The following PPM1H variants were observed in gnomAD, a reference collection of about 807,000 sequenced individuals.
PPM1H encodes the protein protein phosphatase, Mg2+/Mn2+ dependent 1H.
A neutral mutation model predicts 54.9 loss-of-function variants in PPM1H; 27 were observed. The observed-to-expected ratio is 0.49, with a 90% CI of 0.36 to 0.68. The LOEUF is 0.68. Among genes scored for constraint, PPM1H ranks in the 30% least tolerant of loss-of-function variants. The probability of loss-of-function intolerance (pLI) is 0.00; values close to 1 mark genes in which losing one functional copy is unlikely to be tolerated. For missense variants in PPM1H, 596 were observed against 667.8 expected (o/e 0.89, Z 1.19); for synonymous variants, 305 against 270.8 (o/e 1.13, Z -1.24).
chr12:62,755,859 C>A, intron 4 of PPM1H: 1 of 784,788 alleles, frequency 1.3e-6, no homozygotes, highest in Non-Finnish European at 2.3e-6. Flanking sequence ...CCTGCCTCTA[C>A]TGGTGCTGCT....
rs765426741 is a variant in PPM1H at position 62,801,949 on chromosome 12, C to A, written c.623G>T (p.Arg208Leu). 2 of 1,612,488 alleles carry A rather than the reference C, an allele frequency of 1.2e-6. No homozygotes were observed. The highest frequency in any genetic ancestry group is 1.7e-6 in the Non-Finnish European group (2 of 1,179,098). Residue 208 changes from arginine to leucine, a missense_variant, in exon 3 of 10, where the codon CGG (arginine) becomes CTG (leucine). By Grantham distance (102) the Arg-to-Leu change is moderately radical. Coordinates refer to ENST00000228705, the MANE Select transcript of PPM1H (RefSeq NM_020700.2). Reference sequence around the variant, plus strand: ...CACCCCTCCGCGCAGGGAGGCTGCCCGGGTCAGAGTCCGGCTGTTGGCGGG... The same window carrying A: ...CACCCCTCCGCGCAGGGAGGCTGCCAGGGTCAGAGTCCGGCTGTTGGCGGG... The part of the protein sequence containing the change: ...NTPANSRTLT[R>L]AASLRGGVGA...
At chr12:62,700,562 C>G (rs774356391) in intron 6 of PPM1H, among the ~76,000 whole-genome samples, 1 of 152,148 alleles carries the variant, frequency 6.6e-6, no homozygotes, top group Non-Finnish European at 1.5e-5. Context: ...TCAAACAAAT[C>G]CAGAATCCTC....
intron 5 of PPM1H, among the ~76,000 whole-genome samples, chr12:62,722,517 G>T (rs976498734): frequency 1.3e-5 from 2 of 152,068 alleles, no homozygotes; most frequent in African/African-American, 4.8e-5. Context: ...CATATTTTGG[G>T]CCTTTAACCT....
chr12:62,803,912 A>G (rs1394427354), intron 2 of PPM1H, among the ~76,000 whole-genome samples: 1 of 152,236 alleles, frequency 6.6e-6, no homozygotes, highest in East Asian at 1.9e-4. Context: ...TTGAAGAGAC[A>G]TTTCATCAAA....
rs545018269 is a variant in PPM1H, at chr12:62,874,332, AC to A, written c.246-42054del. Reference sequence around the variant, plus strand: ...GGATAAGAGTGACTTTCAAAGGAGAACAAAGCTTGGTTGTTAAATCCAAAGG... The same window carrying A: ...GGATAAGAGTGACTTTCAAAGGAGAAAAAGCTTGGTTGTTAAATCCAAAGG... On this transcript the variant is annotated intron_variant, in intron 1 of 9. Coordinates refer to ENST00000228705, the MANE Select transcript of PPM1H (RefSeq NM_020700.2). Among the ~76,000 whole-genome samples the A allele has an allele frequency of 6.6e-5, 10 of 152,330 alleles. No individual in the cohort carries two copies. The East Asian group carries it at 1.7e-3, about 26-fold the overall frequency.
At chr12:62,912,392 G>C (rs774184935) in intron 1 of PPM1H, among the ~76,000 whole-genome samples, 1 of 152,160 alleles carries the variant, frequency 6.6e-6, no homozygotes, top group African/African-American at 2.4e-5. Context: ...TTTCAGGTTG[G>C]CTCCGTGTCT....
chr12:62,720,325 A>G, intron 5 of PPM1H, 36 bp from the exon 6 acceptor site: 1 of 1,452,118 alleles, frequency 6.9e-7, no homozygotes, highest in Non-Finnish European at 9.6e-7. Flanking sequence ...ACACACACAT[A>G]CACGTATTTA....
intron 4 of PPM1H, among the ~76,000 whole-genome samples, chr12:62,786,866 C>A (rs1029260115): frequency 7.2e-5 from 11 of 152,202 alleles, no homozygotes; most frequent in Admixed American, 5.2e-4. Flanking sequence ...ACACACTTCT[C>A]CACCTCTTTC....
At chr12:62,701,608 G>T (rs2076144222) in intron 6 of PPM1H, among the ~76,000 whole-genome samples, 1 of 151,978 alleles carries the variant, frequency 6.6e-6, no homozygotes, top group South Asian at 2.1e-4. Context: ...GGCCCTCCAT[G>T]ATCTGGCCTT....
chr12:62,927,662 C>CA (rs57622502), intron 1 of PPM1H, among the ~76,000 whole-genome samples: 232 of 75,648 alleles, frequency 3.1e-3, no homozygotes, highest in Middle Eastern at 9.6e-3. Context: ...AACTCCGTCT[C>CA]AAAAAAAAAA....
chr12:62,749,290 C>T lies in PPM1H; in HGVS notation c.870-11704G>A, dbSNP rs554616755. 5.3e-5 allele frequency among the ~76,000 whole-genome samples: 8 copies of T among 152,302 alleles called. No homozygotes were observed. The East Asian group carries it at 5.8e-4, about 11-fold the overall frequency. The stretch of plus-strand genomic sequence containing the variant: ...TCTTTCAGCTGAAAGTGATTCGAAA[C>T]GCAACATTAAACTGCACATTTCCAG... On this transcript the variant is annotated intron_variant, in intron 4 of 9. Transcript: ENST00000228705.
At chr12:62,850,122 T>G (rs552377435) in intron 1 of PPM1H, among the ~76,000 whole-genome samples, 1 of 152,006 alleles carries the variant, frequency 6.6e-6, no homozygotes, top group Admixed American at 6.6e-5. Context: ...CCACCATGCC[T>G]GGCTAATTTT....
chr12:62,657,945 T>C (rs889009437), intron 9 of PPM1H, among the ~76,000 whole-genome samples: 1 of 151,692 alleles, frequency 6.6e-6, no homozygotes, highest in South Asian at 2.1e-4. Context: ...AGACATACTC[T>C]GTAGGGTTTA....
chr12:62,929,537 T>C (rs1364196839), intron 1 of PPM1H, among the ~76,000 whole-genome samples: 1 of 152,190 alleles, frequency 6.6e-6, no homozygotes, highest in Non-Finnish European at 1.5e-5. Flanking sequence ...GTAACCTTAA[T>C]TGAAAGCACT....
Position 62,763,903 on chromosome 12 carries a change from G to C in PPM1H, c.869+24323C>G, listed in dbSNP as rs139251888. Among the ~76,000 whole-genome samples, 8 of 152,232 alleles carry C rather than the reference G, an allele frequency of 5.3e-5. No homozygotes were observed. The East Asian group carries it at 1.4e-3, about 26-fold the overall frequency. ...CACTCCTGGTTGCTTTTGAACATGT[G>C]GGGTGAGCTTTGAGAGAGCCGACGT... On this transcript the variant is annotated intron_variant, in intron 4 of 9. Transcript: ENST00000228705.
chr12:62,727,253 T>C (rs886895177), intron 5 of PPM1H, among the ~76,000 whole-genome samples: 1 of 152,126 alleles, frequency 6.6e-6, no homozygotes, highest in Non-Finnish European at 1.5e-5. Context: ...GTGCCCAGCA[T>C]AGCACCCAAC....
chr12:62,686,402 A>G (rs540243321), intron 8 of PPM1H, among the ~76,000 whole-genome samples: 19 of 152,320 alleles, frequency 1.2e-4, no homozygotes, highest in African/African-American at 4.3e-4. Context: ...TGCTTTTTGG[A>G]AAGTAGAAAG....
At chr12:62,916,374 C>T (rs1871622863) in intron 1 of PPM1H, among the ~76,000 whole-genome samples, 1 of 152,152 alleles carries the variant, frequency 6.6e-6, no homozygotes, top group Non-Finnish European at 1.5e-5. Context: ...ATAACACAAT[C>T]TAAACATCTT....
intron 8 of PPM1H, among the ~76,000 whole-genome samples, chr12:62,673,732 T>C (rs1441800279): frequency 7.7e-6 from 1 of 130,638 alleles, no homozygotes; most frequent in Non-Finnish European, 1.7e-5. Context: ...TTTTTTTTTT[T>C]TTTTTTTTTT....
Sources: gnomAD v4.1 joint callset for allele counts (sites outside exome capture counted in the v4.1 genomes callset) on GRCh38, gnomAD v4.1.1 for gene constraint, MANE v1.5 for transcripts, NCBI Gene and HGNC (gene_info 2026-07-23, HGNC 2026-07-21) for gene names.